The following LDLRAD4 variants were observed in gnomAD, a reference collection of about 807,000 sequenced individuals.
LDLRAD4 encodes the protein low density lipoprotein receptor class A domain containing 4, also known as low-density lipoprotein receptor class A domain-containing protein 4.
A neutral mutation model predicts 17.0 loss-of-function variants in LDLRAD4; 5 were observed. That is an observed-to-expected ratio of 0.29 (90% CI 0.15 to 0.62). The LOEUF (loss-of-function observed/expected upper bound fraction) is 0.62, where lower values mean the gene tolerates loss of function less well. Among genes scored for constraint, LDLRAD4 ranks in the 20% least tolerant of loss-of-function variants. LDLRAD4 has a pLI of 0.84. For synonymous variants in LDLRAD4, 168 were observed against 171.8 expected (o/e 0.98, Z 0.17); for missense variants, 340 against 424.7 (o/e 0.80, Z 1.75).
intron 4 of LDLRAD4, among the ~76,000 whole-genome samples, chr18:13,634,257 A>G (rs567905149): frequency 6.6e-6 from 1 of 152,372 alleles, no homozygotes; most frequent in South Asian, 2.1e-4. Flanking sequence ...TCCAAGTGGA[A>G]AGGAAGAAGT....
intron 3 of LDLRAD4, among the ~76,000 whole-genome samples, chr18:13,449,333 G>A (rs2091639757): frequency 6.6e-6 from 1 of 152,242 alleles, no homozygotes; most frequent in Non-Finnish European, 1.5e-5. Flanking sequence ...TTCATTCCCT[G>A]GGATGGCCTG....
intron 2 of LDLRAD4, among the ~76,000 whole-genome samples, chr18:13,421,954 C>G (rs2145871245): frequency 1.3e-5 from 2 of 152,374 alleles, no homozygotes; most frequent in East Asian, 3.9e-4. Context: ...AGACCTGTGC[C>G]TAGTCTCCTA....
At chr18:13,325,142 A>G (rs2081450731) in intron 1 of LDLRAD4, among the ~76,000 whole-genome samples, 1 of 152,198 alleles carries the variant, frequency 6.6e-6, no homozygotes, top group African/African-American at 2.4e-5. Context: ...CTGGGGAGAC[A>G]CGTGGCCTTC....
At chr18:13,309,712 C>G (rs770638138) in intron 1 of LDLRAD4, among the ~76,000 whole-genome samples, 1 of 151,884 alleles carries the variant, frequency 6.6e-6, no homozygotes, top group Non-Finnish European at 1.5e-5. Flanking sequence ...TCCTGTGGCT[C>G]GGGAGGTGTG....
At chr18:13,337,235 C>G (rs377136443) in intron 1 of LDLRAD4, among the ~76,000 whole-genome samples, 1 of 152,196 alleles carries the variant, frequency 6.6e-6, no homozygotes, top group Non-Finnish European at 1.5e-5. Context: ...CTCATACTTG[C>G]AATCATGGAC....
chr18:13,449,273 AC>A (rs1174485358), intron 3 of LDLRAD4, among the ~76,000 whole-genome samples: 2 of 151,934 alleles, frequency 1.3e-5, no homozygotes, highest in Non-Finnish European at 2.9e-5. Flanking sequence ...CTTGCCCTAG[AC>A]CCTTTGCTTG....
chr18:13,236,968 A>G (rs2042370766), intron 1 of LDLRAD4, among the ~76,000 whole-genome samples: 2 of 152,184 alleles, frequency 1.3e-5, no homozygotes, highest in South Asian at 4.1e-4. Context: ...GCTTGGGGGC[A>G]TAATGTGTGC....
At chr18:13,280,804 C>G (rs549391978) in intron 1 of LDLRAD4, among the ~76,000 whole-genome samples, 59 of 152,312 alleles carry the variant, frequency 3.9e-4, no homozygotes, top group African/African-American at 1.4e-3. Context: ...CCGGTGCAGA[C>G]CAGGGACCAT....
chr18:13,448,189 C>A (rs2091549589), intron 3 of LDLRAD4, among the ~76,000 whole-genome samples: 1 of 152,110 alleles, frequency 6.6e-6, no homozygotes, highest in Non-Finnish European at 1.5e-5. Context: ...CGGAGAGGAG[C>A]TGGGGTGAAA....
At chr18:13,473,820 T>C (rs770503435) in intron 3 of LDLRAD4, among the ~76,000 whole-genome samples, 1 of 151,584 alleles carries the variant, frequency 6.6e-6, no homozygotes, top group Non-Finnish European at 1.5e-5. Context: ...CTGTGGCATT[T>C]GTCTCTGATC....
rs181743838 is a variant in LDLRAD4, at chr18:13,371,713, C to T, written c.-382-15628C>T. Among the ~76,000 whole-genome samples, 42 of 151,130 alleles carry T rather than the reference C, an allele frequency of 2.8e-4. 1 individual carries two copies. The highest frequency in any genetic ancestry group is 5.9e-4 in the Admixed American group (9 of 15,194). On this transcript the variant is annotated intron_variant, in intron 1 of 5. Transcript: ENST00000359446. ...CCGAGAGGCGGAGGTTGCAGTGAGC[C>T]GAGATCACACCACCACACTCCAGCC...
chr18:13,629,970 G>A (rs1381500209), intron 4 of LDLRAD4, among the ~76,000 whole-genome samples: 1 of 152,150 alleles, frequency 6.6e-6, no homozygotes, highest in Non-Finnish European at 1.5e-5. Flanking sequence ...GGCAACTGGT[G>A]CTGAAATCAG....
At chr18:13,538,465 A>T (rs972078484) in intron 3 of LDLRAD4, among the ~76,000 whole-genome samples, 1 of 152,112 alleles carries the variant, frequency 6.6e-6, no homozygotes, top group Admixed American at 6.5e-5. Context: ...AGAGAAAAAA[A>T]TGCAGCTTTC....
chr18:13,242,069 C>G (rs1033209762), intron 1 of LDLRAD4: 1 of 152,168 alleles, frequency 6.6e-6, no homozygotes, highest in Non-Finnish European at 1.5e-5. Flanking sequence ...GTGAAGCCAG[C>G]CACAAACAAA....
At chr18:13,531,445 A>AC (rs34770860) in intron 3 of LDLRAD4, among the ~76,000 whole-genome samples, 8 of 1,686 alleles carry the variant, frequency 4.7e-3, no homozygotes, top group Admixed American at 0.083. Flanking sequence ...CCCCATATCT[A>AC]AAAAAAAAAA....
At chr18:13,605,477 C>T (rs768284101) in intron 3 of LDLRAD4, among the ~76,000 whole-genome samples, 10 of 152,318 alleles carry the variant, frequency 6.6e-5, no homozygotes, top group Admixed American at 1.3e-4. Flanking sequence ...CTTGGCCTCC[C>T]AAAGTGTTGG....
intron 1 of LDLRAD4, among the ~76,000 whole-genome samples, chr18:13,243,819 C>T (rs2042802701): frequency 6.7e-6 from 1 of 150,242 alleles, no homozygotes; most frequent in African/African-American, 2.5e-5. Context: ...CTACCACCTA[C>T]CCATCCACCC....
intron 2 of LDLRAD4, among the ~76,000 whole-genome samples, chr18:13,388,791 A>C (rs1246000267): frequency 6.6e-6 from 1 of 152,234 alleles, no homozygotes; most frequent in African/African-American, 2.4e-5. Context: ...TCCAAGGAAG[A>C]ACGAGGGGAC....
chr18:13,373,436 G>A (rs1049814776), intron 1 of LDLRAD4, among the ~76,000 whole-genome samples: 4 of 152,270 alleles, frequency 2.6e-5, no homozygotes, highest in Middle Eastern at 6.8e-3. Flanking sequence ...TTATAGGATT[G>A]TGCAGAAACG....
Sources: gnomAD v4.1 joint callset for allele counts (sites outside exome capture counted in the v4.1 genomes callset) on GRCh38, gnomAD v4.1.1 for gene constraint, MANE v1.5 for transcripts, NCBI Gene and HGNC (gene_info 2026-07-23, HGNC 2026-07-21) for gene names.